LRP1B: variants seen among roughly 807,000 people sequenced by gnomAD.
LRP1B encodes low-density lipoprotein receptor-related protein 1B.
A neutral mutation model predicts 556.6 loss-of-function variants in LRP1B; 217 were observed. That is an observed-to-expected ratio of 0.39 (90% CI 0.35 to 0.44). LRP1B has a LOEUF of 0.44. Among genes scored for constraint, LRP1B ranks in the 20% least tolerant of loss-of-function variants. The pLI is 1.00. For missense variants in LRP1B, 5,053 were observed against 5,620.8 expected (o/e 0.90, Z 3.23); for synonymous variants, 2,047 against 1,865.8 (o/e 1.10, Z -2.50).
chr2:141,603,268 A>G (rs1687813502), intron 2 of LRP1B, among the ~76,000 whole-genome samples: 1 of 152,228 alleles, frequency 6.6e-6, no homozygotes. Context: ...ATCATTTCAT[A>G]GAAAACCTGT....
At chr2:140,728,781 T>C (rs953117815) in intron 35 of LRP1B, among the ~76,000 whole-genome samples, 1 of 152,170 alleles carries the variant, frequency 6.6e-6, no homozygotes, top group Non-Finnish European at 1.5e-5. Flanking sequence ...TATTGAGTTC[T>C]GGTATCTTGA....
chr2:140,403,118 G>T (rs1214104601), intron 66 of LRP1B, among the ~76,000 whole-genome samples: 1 of 151,368 alleles, frequency 6.6e-6, no homozygotes, highest in Non-Finnish European at 1.5e-5. Context: ...GGGGAGAAAA[G>T]AAAGAAAAAA....
intron 1 of LRP1B, among the ~76,000 whole-genome samples, chr2:142,028,877 A>T (rs978453062): frequency 2.6e-5 from 4 of 151,834 alleles, no homozygotes; most frequent in Non-Finnish European, 5.9e-5. Flanking sequence ...GTGGTATTTC[A>T]CTGTGGTTTT....
intron 1 of LRP1B, among the ~76,000 whole-genome samples, chr2:142,110,726 A>C (rs1011622166): frequency 1.2e-4 from 18 of 152,108 alleles, no homozygotes; most frequent in African/African-American, 4.3e-4. Flanking sequence ...TTTAAAGCCC[A>C]CCTTGGGTTC....
At chr2:142,026,562 T>C (rs980701157) in intron 1 of LRP1B, among the ~76,000 whole-genome samples, 1 of 152,108 alleles carries the variant, frequency 6.6e-6, no homozygotes, top group African/African-American at 2.4e-5. Flanking sequence ...AAATAAACCA[T>C]ATCCAATTAG....
At chr2:141,389,437 GCTC>G (rs138433374) in intron 3 of LRP1B, among the ~76,000 whole-genome samples, 353 of 152,202 alleles carry the variant, frequency 2.3e-3, no homozygotes, top group African/African-American at 8.0e-3. Flanking sequence ...ATGAAGTTAG[GCTC>G]CTATTTCACA....
chr2:140,668,996 G>A (rs1057098251), intron 41 of LRP1B, among the ~76,000 whole-genome samples: 1 of 152,162 alleles, frequency 6.6e-6, no homozygotes. Context: ...AGTGTTGAAT[G>A]ACAGATGAAG....
At chr2:140,493,953 T>C (rs1247268067) in intron 56 of LRP1B, among the ~76,000 whole-genome samples, 1 of 152,114 alleles carries the variant, frequency 6.6e-6, no homozygotes, top group African/African-American at 2.4e-5. Flanking sequence ...GGCTCTCGAG[T>C]TGAAGGTGCC....
At position 140,516,749 on chromosome 2, in the gene LRP1B, A is replaced by AT. The variant is rs1213504529; in HGVS notation, c.8149+139dup. 128 of 778,306 alleles carry AT rather than the reference A, an allele frequency of 1.6e-4. 1 individual carries two copies. Among genetic ancestry groups the AT allele is most frequent in the Middle Eastern group, 7.4e-4 (2 of 2,706 alleles). The allele number at this position is 778,306 out of a possible 1,614,324, so 48.2% of individuals were successfully genotyped here. A position where few individuals can be genotyped will look rare whatever the true frequency, so the allele number is the denominator to read the frequency against. ...TTCTGTTTTAATTTTAATCTTTACC[A>AT]TTTTTGTATTATTTAATAAAAATGA... On this transcript the variant is annotated intron_variant, in intron 50 of 90. Coordinates refer to ENST00000389484, the MANE Select transcript of LRP1B (RefSeq NM_018557.3).
intron 1 of LRP1B, among the ~76,000 whole-genome samples, chr2:141,903,091 T>C (rs945258786): frequency 6.6e-6 from 1 of 151,790 alleles, no homozygotes; most frequent in Admixed American, 6.6e-5. Flanking sequence ...ATATTGACAA[T>C]GTTAACTAGC....
rs1045209963 is a variant in LRP1B, at chr2:141,643,719, A to G, written c.206-163186T>C. On this transcript the variant is annotated intron_variant, in intron 2 of 90. Transcript: ENST00000389484. Reference sequence around the variant, plus strand: ...TTGAATTCATATTTCTAATTTTACAAGAGTATCTCTGGTGGTTTCTTTGAT... The same window carrying G: ...TTGAATTCATATTTCTAATTTTACAGGAGTATCTCTGGTGGTTTCTTTGAT... Among the ~76,000 whole-genome samples, 9 of 152,170 alleles carry G rather than the reference A, an allele frequency of 5.9e-5. 1 individual carries two copies. The South Asian group carries it at 6.2e-4, about 10-fold the overall frequency.
intron 41 of LRP1B, among the ~76,000 whole-genome samples, chr2:140,692,012 ATGT>A (rs1686261056): frequency 6.6e-6 from 1 of 152,084 alleles, no homozygotes; most frequent in African/African-American, 2.4e-5. Context: ...AGAAAGCAAG[ATGT>A]TGATGGTGTA....
Position 140,615,316 on chromosome 2 carries a change from A to C in LRP1B, c.6800-13677T>G, listed in dbSNP as rs375849340. 2.9e-3 allele frequency among the ~76,000 whole-genome samples: 448 copies of C among 152,204 alleles called. 5 individuals carry two copies. Among genetic ancestry groups the C allele is most frequent in the African/African-American group, 0.011 (437 of 41,574 alleles). On this transcript the variant is annotated intron_variant, in intron 41 of 90. Transcript: ENST00000389484. ...TGGTTTCATCCCTGACCCAACAATCATCATTCCCCATTCCCTAGTCCCCTG... is the reference window on the plus strand; with the variant it reads ...TGGTTTCATCCCTGACCCAACAATCCTCATTCCCCATTCCCTAGTCCCCTG...
Position 140,559,450 on chromosome 2 carries a change from C to T in LRP1B, c.7195-17479G>A, listed in dbSNP as rs568438424. Among the ~76,000 whole-genome samples the T allele has an allele frequency of 1.7e-3, 264 of 152,038 alleles. 3 individuals are homozygous for T. Among genetic ancestry groups the T allele is most frequent in the Admixed American group, 3.9e-3 (59 of 15,260 alleles). On this transcript the variant is annotated intron_variant, in intron 43 of 90. Coordinates refer to ENST00000389484, the MANE Select transcript of LRP1B (RefSeq NM_018557.3). ...GAGAATACAAAGAACAATTGTATTT[C>T]TGTATACTAGGAAGGAAAAAATAGA... is the stretch of plus-strand genomic sequence containing the variant.
intron 3 of LRP1B, among the ~76,000 whole-genome samples, chr2:141,454,386 G>A (rs1681550216): frequency 6.6e-6 from 1 of 152,096 alleles, no homozygotes; most frequent in Non-Finnish European, 1.5e-5. Flanking sequence ...AGCAAGACAA[G>A]AGAAGTGCTG....
At chr2:140,805,796 AATAG>A (rs145771703) in intron 32 of LRP1B, among the ~76,000 whole-genome samples, 302 of 152,292 alleles carry the variant, frequency 2.0e-3, no homozygotes, top group Non-Finnish European at 3.5e-3. Context: ...CATATAGAGA[AATAG>A]ATAAAGAGAT....
chr2:140,995,309 T>C (rs1444432193), intron 15 of LRP1B, among the ~76,000 whole-genome samples: 1 of 152,000 alleles, frequency 6.6e-6, no homozygotes, highest in East Asian at 1.9e-4. Flanking sequence ...GAAGATCATC[T>C]AGTCTGTGGG....
At position 141,716,822 on chromosome 2, in the gene LRP1B, A is replaced by G. The variant is rs1448640167; in HGVS notation, c.205+93457T>C. Among the ~76,000 whole-genome samples the G allele has an allele frequency of 3.3e-5, 5 of 152,326 alleles. No homozygotes were observed. The East Asian group carries it at 9.7e-4, about 29-fold the overall frequency. ...AATTGATTGTAAGCCACTTTATGAG[A>G]CACTCTGAAATCTTTCCTGTGTCTA... On this transcript the variant is annotated intron_variant, in intron 2 of 90. Coordinates refer to ENST00000389484, the MANE Select transcript of LRP1B (RefSeq NM_018557.3).
intron 2 of LRP1B, among the ~76,000 whole-genome samples, chr2:141,488,075 T>C (rs1574004008): frequency 6.6e-6 from 1 of 152,210 alleles, no homozygotes; most frequent in South Asian, 2.1e-4. Flanking sequence ...GCAGACATTG[T>C]CTATATCACA....
Sources: gnomAD v4.1 joint callset for allele counts (sites outside exome capture counted in the v4.1 genomes callset) on GRCh38, gnomAD v4.1.1 for gene constraint, MANE v1.5 for transcripts, NCBI Gene and HGNC (gene_info 2026-07-23, HGNC 2026-07-21) for gene names.